Variants in QTMAN observed in about 807,000 individuals in gnomAD.
QTMAN encodes the protein tRNA-queuosine alpha-mannosyltransferase.
the QTMAN span, among the ~76,000 whole-genome samples, chr2:144,011,301 T>A: frequency 6.6e-6 from 1 of 152,096 alleles, no homozygotes; most frequent in South Asian, 2.1e-4. Flanking sequence ...TGAACAAATG[T>A]ATTAATAATA....
At chr2:144,143,945 A>G in the QTMAN span, among the ~76,000 whole-genome samples, 1 of 151,932 alleles carries the variant, frequency 6.6e-6, no homozygotes, top group African/African-American at 2.4e-5. Context: ...CAGGAGTCAT[A>G]CTTTTCAAAG....
the QTMAN span, among the ~76,000 whole-genome samples, chr2:144,017,131 A>T: frequency 6.6e-6 from 1 of 151,808 alleles, no homozygotes; most frequent in Non-Finnish European, 1.5e-5. Context: ...CAGCCTCCTG[A>T]GTAGCTGGGA....
the QTMAN span, among the ~76,000 whole-genome samples, chr2:144,013,164 A>G: frequency 1.3e-5 from 2 of 152,210 alleles, no homozygotes; most frequent in East Asian, 3.8e-4. Context: ...TTCCCAAAGT[A>G]CATGTTACTA....
chr2:144,257,694 C>A, the QTMAN span, among the ~76,000 whole-genome samples: 1 of 152,140 alleles, frequency 6.6e-6, no homozygotes, highest in Non-Finnish European at 1.5e-5. Flanking sequence ...CCCTAATACT[C>A]AATACATGCA....
the QTMAN span, chr2:144,178,254 G>A: frequency 5.3e-5 from 8 of 152,244 alleles, no homozygotes; most frequent in East Asian, 1.9e-4. Flanking sequence ...AACCTGATCC[G>A]TAAAAGGAGA....
At chr2:143,959,808 T>C in the QTMAN span, among the ~76,000 whole-genome samples, 4 of 152,116 alleles carry the variant, frequency 2.6e-5, no homozygotes, top group Non-Finnish European at 4.4e-5. Flanking sequence ...ATTTTATATA[T>C]TCACAAATCA....
the QTMAN span, among the ~76,000 whole-genome samples, chr2:144,060,601 G>C: frequency 1.3e-5 from 2 of 152,176 alleles, no homozygotes; most frequent in Non-Finnish European, 2.9e-5. Flanking sequence ...ACTGCTATCA[G>C]ATCTTTATAT....
At chr2:144,055,334 G>GAC in the QTMAN span, among the ~76,000 whole-genome samples, 13,392 of 132,690 alleles carry the variant, frequency 0.1, 714 homozygotes, top group East Asian at 0.24. Flanking sequence ...CAGACACACA[G>GAC]ACACACACAC....
chr2:144,125,872 A>G, the QTMAN span, among the ~76,000 whole-genome samples: 1 of 152,076 alleles, frequency 6.6e-6, no homozygotes, highest in Non-Finnish European at 1.5e-5. Flanking sequence ...TGCTTAAGAC[A>G]TTTTTATTTG....
chr2:143,991,334 A>G, the QTMAN span, among the ~76,000 whole-genome samples: 2 of 152,190 alleles, frequency 1.3e-5, no homozygotes, highest in Non-Finnish European at 2.9e-5. Context: ...AGACAAAGAC[A>G]AGATCTTTAA....
chr2:144,291,273 T>A, the QTMAN span, among the ~76,000 whole-genome samples: 8 of 152,054 alleles, frequency 5.3e-5, no homozygotes, highest in Non-Finnish European at 1.2e-4. Flanking sequence ...GTACTAGGAG[T>A]TAGGACTTCT....
chr2:144,022,298 G>GTA, the QTMAN span, among the ~76,000 whole-genome samples: 6 of 148,448 alleles, frequency 4.0e-5, no homozygotes, highest in African/African-American at 5.0e-5. Flanking sequence ...TTTTTAATTT[G>GTA]TATATATATA....
the QTMAN span, among the ~76,000 whole-genome samples, chr2:144,033,679 G>A: frequency 6.6e-6 from 1 of 152,142 alleles, no homozygotes; most frequent in Admixed American, 6.5e-5. Flanking sequence ...GGGGCCAAAA[G>A]TTCCAACCCT....
chr2:144,119,911 C>T, the QTMAN span, among the ~76,000 whole-genome samples: 1 of 151,862 alleles, frequency 6.6e-6, no homozygotes, highest in African/African-American at 2.4e-5. Flanking sequence ...GCCCTAGAAA[C>T]TACAGTGTTA....
the QTMAN span, among the ~76,000 whole-genome samples, chr2:144,332,111 A>T: frequency 6.6e-6 from 1 of 152,208 alleles, no homozygotes; most frequent in Non-Finnish European, 1.5e-5. Flanking sequence ...ACCAGCACGC[A>T]CGACATGTAG....
the QTMAN span, among the ~76,000 whole-genome samples, chr2:144,049,181 C>T: frequency 1.3e-5 from 2 of 152,014 alleles, no homozygotes; most frequent in Non-Finnish European, 2.9e-5. Context: ...ATCATGATAC[C>T]AATACTGTGT....
At chr2:144,251,390 A>T in the QTMAN span, among the ~76,000 whole-genome samples, 1 of 152,198 alleles carries the variant, frequency 6.6e-6, no homozygotes, top group Non-Finnish European at 1.5e-5. Flanking sequence ...TAGTCAACTG[A>T]TACTTGACAA....
chr2:143,942,172 C>T, the QTMAN span: 8,821 of 167,172 alleles, frequency 0.053, 323 homozygotes, highest in East Asian at 0.16. Context: ...CCAATTCCTT[C>T]TGTCAGTTTA....
the QTMAN span, among the ~76,000 whole-genome samples, chr2:144,099,941 CTGT>C: frequency 1.3e-5 from 2 of 152,204 alleles, no homozygotes; most frequent in Non-Finnish European, 2.9e-5. Flanking sequence ...GACTCAGCTG[CTGT>C]TATTAGTCAC....
Sources: gnomAD v4.1 joint callset for allele counts (sites outside exome capture counted in the v4.1 genomes callset) on GRCh38, gnomAD v4.1.1 for gene constraint, MANE v1.5 for transcripts, NCBI Gene and HGNC (gene_info 2026-07-23, HGNC 2026-07-21) for gene names.